PCDH7: variants seen among roughly 807,000 people sequenced by gnomAD.
The protein encoded by PCDH7 is protocadherin 7.
A neutral mutation model predicts 58.9 loss-of-function variants in PCDH7; 17 were observed. The ratio of observed to expected loss-of-function variants is 0.29; its 90% CI spans 0.20 to 0.43. The LOEUF is 0.43. Among genes scored for constraint, PCDH7 ranks in the 20% least tolerant of loss-of-function variants. PCDH7 has a pLI of 1.00. For synonymous variants in PCDH7, 664 were observed against 616.4 expected (o/e 1.08, Z -1.14); for missense variants, 1,274 against 1,441.0 (o/e 0.88, Z 1.88).
intron 1 of PCDH7, among the ~76,000 whole-genome samples, chr4:30,905,819 C>T (rs1740846078): frequency 6.6e-6 from 1 of 152,136 alleles, no homozygotes; most frequent in Non-Finnish European, 1.5e-5. Flanking sequence ...TTTCTCTGTT[C>T]TATTTTACAC....
intron 1 of PCDH7, among the ~76,000 whole-genome samples, chr4:30,824,891 G>A (rs1176456752): frequency 6.6e-6 from 1 of 152,080 alleles, no homozygotes; most frequent in Non-Finnish European, 1.5e-5. Context: ...AGATGGTTTG[G>A]GAAGACAAAA....
chr4:30,792,309 G>A (rs1246363472), intron 1 of PCDH7, among the ~76,000 whole-genome samples: 1 of 152,062 alleles, frequency 6.6e-6, no homozygotes, highest in Admixed American at 6.5e-5. Flanking sequence ...ATGGCCCTCT[G>A]GTCTTGGAGT....
At chr4:30,737,966 A>T (rs548170884), downstream of PCDH7, among the ~76,000 whole-genome samples, 608 of 152,222 alleles carry the variant, frequency 4.0e-3, 2 homozygotes, top group Middle Eastern at 0.014. Flanking sequence ...GTGCTGGCAA[A>T]TTCAGTTTCT....
Position 30,878,432 on chromosome 4 carries a change from A to T in PCDH7, c.71-41721A>T, listed in dbSNP as rs554797997. Among the ~76,000 whole-genome samples, 4 of 152,204 alleles carry T rather than the reference A, an allele frequency of 2.6e-5. No homozygotes were observed. In the East Asian group the frequency reaches 5.8e-4, roughly 22 times the overall value. On this transcript the variant is annotated intron_variant, in intron 1 of 3. Coordinates refer to the PCDH7 transcript ENST00000509759. ...GCTTCCATGGAGTTCTTGTACTAGG[A>T]GGGAGAATGGTAGAATGAAGATTGA...
intron 1 of PCDH7, among the ~76,000 whole-genome samples, chr4:30,879,068 A>T (rs1560461272): frequency 6.6e-6 from 1 of 151,984 alleles, no homozygotes; most frequent in African/African-American, 2.4e-5. Context: ...TTAAGAAGTG[A>T]AGCAAAGGTA....
At chr4:31,024,328 A>C (rs1379253837) in intron 3 of PCDH7, among the ~76,000 whole-genome samples, 1 of 152,166 alleles carries the variant, frequency 6.6e-6, no homozygotes, top group South Asian at 2.1e-4. Flanking sequence ...AAAAACTGAG[A>C]TACTAATATC....
At chr4:30,757,631 C>G (rs767045327) in intron 1 of PCDH7, among the ~76,000 whole-genome samples, 19 of 152,156 alleles carry the variant, frequency 1.2e-4, no homozygotes, top group Non-Finnish European at 2.4e-4. Context: ...GCTCAAATGT[C>G]ACTTCCTATG....
At chr4:30,853,785 G>A (rs1733088345) in intron 1 of PCDH7, among the ~76,000 whole-genome samples, 1 of 151,764 alleles carries the variant, frequency 6.6e-6, no homozygotes. Flanking sequence ...AAGTCACTTT[G>A]GATGTAAAAA....
chr4:30,761,175 T>C (rs956642266), intron 1 of PCDH7, among the ~76,000 whole-genome samples: 1 of 152,214 alleles, frequency 6.6e-6, no homozygotes, highest in African/African-American at 2.4e-5. Flanking sequence ...CAGTACCTAA[T>C]GTATGCAGCC....
At position 31,130,007 on chromosome 4, in the gene PCDH7, A is replaced by T. The variant is rs139644461; in HGVS notation, c.*8-12466A>T. On this transcript the variant is annotated intron_variant, in intron 3 of 3. Transcript: ENST00000509759. ...GTTAAAGAAAACAACAACAAAAAAT[A>T]AGTGATGAACAAATAATAAACATCA... is the stretch of plus-strand genomic sequence containing the variant. Among the ~76,000 whole-genome samples the T allele has an allele frequency of 5.4e-3, 817 of 152,298 alleles. 7 individuals are homozygous for T. Among genetic ancestry groups the T allele is most frequent in the African/African-American group, 0.018 (765 of 41,552 alleles).
At chr4:30,907,139 T>A (rs77442717) in intron 1 of PCDH7, among the ~76,000 whole-genome samples, 2,001 of 152,290 alleles carry the variant, frequency 0.013, 41 homozygotes, top group African/African-American at 0.046. Context: ...GCTGATGACC[T>A]GTCTATGGAC....
chr4:30,821,369 G>C (rs919142592), intron 1 of PCDH7, among the ~76,000 whole-genome samples: 1 of 152,234 alleles, frequency 6.6e-6, no homozygotes, highest in African/African-American at 2.4e-5. Context: ...ACATCATGCA[G>C]AGGAAAGGGG....
chr4:30,964,295 G>A (rs1748783886), intron 3 of PCDH7, among the ~76,000 whole-genome samples: 1 of 150,594 alleles, frequency 6.6e-6, no homozygotes, highest in Non-Finnish European at 1.5e-5. Flanking sequence ...AGGCTGGAGT[G>A]CAGTGGCCTG....
At chr4:30,946,331 T>C (rs766822600) in intron 2 of PCDH7, among the ~76,000 whole-genome samples, 2 of 152,122 alleles carry the variant, frequency 1.3e-5, no homozygotes, top group Non-Finnish European at 2.9e-5. Flanking sequence ...CTGTAATATA[T>C]TAACATATTG....
chr4:30,893,917 A>G (rs1364384755), intron 1 of PCDH7, among the ~76,000 whole-genome samples: 1 of 152,094 alleles, frequency 6.6e-6, no homozygotes, highest in East Asian at 1.9e-4. Flanking sequence ...TTATCCTCAC[A>G]AAGGATTTGT....
intron 1 of PCDH7, among the ~76,000 whole-genome samples, chr4:30,756,603 G>A (rs781622521): frequency 2.7e-4 from 41 of 152,040 alleles, no homozygotes; most frequent in Admixed American, 6.6e-4. Flanking sequence ...AGAAAATTTT[G>A]CTTGTGTCAA....
Position 31,022,282 on chromosome 4 carries a change from CA to C in PCDH7, c.*7+72068del, listed in dbSNP as rs1367312199. Among the ~76,000 whole-genome samples the C allele has an allele frequency of 4.6e-5, 7 of 152,050 alleles. No individual in the cohort carries two copies. In the South Asian group the frequency reaches 1.5e-3, roughly 32 times the overall value. ...TTACTGATAAAGGTATTCTTAGCAC[CA>C]TGGAGATTTTGTGATTTTTCACAGT... On this transcript the variant is annotated intron_variant, in intron 3 of 3. Transcript: ENST00000509759.
chr4:30,722,867 A>C lies in PCDH7; in HGVS notation c.1445A>C (p.Lys482Thr). 1 of 1,613,882 alleles carries C rather than the reference A, an allele frequency of 6.2e-7. No individual in the cohort carries two copies. Residue 482 changes from lysine to threonine, a missense_variant, in exon 1 of 2, where the codon AAG becomes ACG. By Grantham distance (78) the Lys-to-Thr change is moderately conservative. Transcript: ENST00000361762. This position sits in a 1 kb window ranked among gnomAD's most constrained non-coding sequence, Gnocchi z 7.6. ...AGCGACACCGAGGGCGACCAGAACA[A>C]GAAAAAGTACTTCTTGCACACCTCG...
At chr4:31,114,146 A>G (rs1343575360) in intron 3 of PCDH7, among the ~76,000 whole-genome samples, 1 of 152,060 alleles carries the variant, frequency 6.6e-6, no homozygotes, top group South Asian at 2.1e-4. Context: ...AAATTTAAGC[A>G]TTTTTAATCT....
Sources: gnomAD v4.1 joint callset for allele counts (sites outside exome capture counted in the v4.1 genomes callset) on GRCh38, gnomAD v4.1.1 for gene constraint, Gnocchi (gnomAD v3.1) non-coding constraint, MANE v1.5 for transcripts, NCBI Gene and HGNC (gene_info 2026-07-23, HGNC 2026-07-21) for gene names.